SIL1: variants seen among roughly 807,000 people sequenced by gnomAD.
SIL1 encodes nucleotide exchange factor SIL1.
A neutral mutation model predicts 49.1 loss-of-function variants in SIL1; 40 were observed. The ratio of observed to expected loss-of-function variants is 0.81; its 90% CI spans 0.63 to 1.06. The LOEUF (loss-of-function observed/expected upper bound fraction) is 1.06. Ranked by LOEUF, SIL1 falls within the 50% of genes least tolerant of loss-of-function variation. SIL1 has a pLI of 0.00. For synonymous variants in SIL1, 253 were observed against 250.8 expected, an observed-to-expected ratio of 1.01 and a Z score of -0.08; for missense variants, 500 against 572.6, an observed-to-expected ratio of 0.87 and a Z score of 1.29.
chr5:139,128,167 G>A (rs1750792633), intron 1 of SIL1: 1 of 382,496 alleles, frequency 2.6e-6, no homozygotes, highest in South Asian at 2.0e-5. Flanking sequence ...TGACTATAAG[G>A]AGAGAGGGAA....
intron 3 of SIL1, among the ~76,000 whole-genome samples, chr5:139,110,126 G>A (rs1242785701): frequency 3.3e-5 from 5 of 149,512 alleles, no homozygotes; most frequent in Admixed American, 6.7e-5. Flanking sequence ...CCGAGATCAC[G>A]CCATTGCACT....
chr5:138,951,933 T>A (rs1766789788), intron 7 of SIL1, 49 bp from the exon 8 acceptor site: 2 of 1,535,298 alleles, frequency 1.3e-6, no homozygotes, highest in East Asian at 2.2e-5. Context: ...AGCCCAGGGA[T>A]CGGATGGTCA....
intron 1 of SIL1, among the ~76,000 whole-genome samples, chr5:139,179,720 C>T (rs889979206): frequency 3.3e-5 from 5 of 152,086 alleles, no homozygotes; most frequent in African/African-American, 9.7e-5. Flanking sequence ...TGATGCTCAG[C>T]GAGGTTAAGC....
chr5:138,975,973 A>T (rs1168686392), intron 7 of SIL1, among the ~76,000 whole-genome samples: 1 of 152,270 alleles, frequency 6.6e-6, no homozygotes, highest in African/African-American at 2.4e-5. Context: ...AACAACACAT[A>T]GCTAATAAAC....
chr5:139,023,997 T>C (rs986360723), intron 6 of SIL1, among the ~76,000 whole-genome samples: 3 of 152,184 alleles, frequency 2.0e-5, no homozygotes, highest in African/African-American at 7.2e-5. Context: ...AATGGGGATG[T>C]CACCTTAGGG....
At chr5:139,177,221 C>T (rs927663275) in intron 1 of SIL1, among the ~76,000 whole-genome samples, 5 of 151,292 alleles carry the variant, frequency 3.3e-5, no homozygotes, top group African/African-American at 1.2e-4. Flanking sequence ...CGTGAGCCAC[C>T]ACGCCTGGCC....
chr5:139,050,803 C>T (rs1487773896), intron 4 of SIL1, 135 bp downstream of exon 4: 2 of 771,266 alleles, frequency 2.6e-6, no homozygotes, highest in Admixed American at 2.2e-5. Context: ...AAAACCCTGA[C>T]AGATTTATCA....
At chr5:139,026,328 A>C (rs1467530625) in intron 6 of SIL1, among the ~76,000 whole-genome samples, 1 of 152,170 alleles carries the variant, frequency 6.6e-6, no homozygotes, top group Non-Finnish European at 1.5e-5. Flanking sequence ...CTGGCCAGGC[A>C]TGGTGGCTCA....
At chr5:139,076,676 AC>A (rs1465861412) in intron 3 of SIL1, among the ~76,000 whole-genome samples, 1 of 152,160 alleles carries the variant, frequency 6.6e-6, no homozygotes, top group African/African-American at 2.4e-5. Flanking sequence ...AACTGAGGAC[AC>A]AATGTCAAAA....
intron 3 of SIL1, among the ~76,000 whole-genome samples, chr5:139,114,716 G>A (rs183947102): frequency 6.6e-6 from 1 of 152,330 alleles, no homozygotes; most frequent in East Asian, 1.9e-4. Flanking sequence ...GAAAGAAGTA[G>A]CACCAAAAGT....
chr5:139,139,245 T>C (rs1328089805), intron 1 of SIL1, among the ~76,000 whole-genome samples: 1 of 152,200 alleles, frequency 6.6e-6, no homozygotes, highest in Non-Finnish European at 1.5e-5. Flanking sequence ...GGGCTTTCTC[T>C]ATAGCCTGCT....
intron 1 of SIL1, among the ~76,000 whole-genome samples, chr5:139,193,335 G>A (rs561129974): frequency 3.9e-5 from 6 of 152,224 alleles, no homozygotes; most frequent in Non-Finnish European, 7.4e-5. Flanking sequence ...AGACTGAGGT[G>A]GGCAGATCAC....
intron 7 of SIL1, chr5:139,013,992 T>G (rs544890252): frequency 2.6e-5 from 4 of 152,300 alleles, no homozygotes; most frequent in African/African-American, 9.6e-5. Context: ...CTCTATAAGG[T>G]GCTGTGAGCA....
chr5:139,095,757 G>A (rs1770448136), intron 3 of SIL1, among the ~76,000 whole-genome samples: 1 of 152,142 alleles, frequency 6.6e-6, no homozygotes, highest in East Asian at 1.9e-4. Context: ...GAGCCAGGGA[G>A]GTCAAGGCTG....
intron 3 of SIL1, among the ~76,000 whole-genome samples, chr5:139,114,949 T>C (rs1165438466): frequency 6.6e-6 from 1 of 152,224 alleles, no homozygotes; most frequent in Non-Finnish European, 1.5e-5. Flanking sequence ...GAAGTCCCAC[T>C]GTCACACTTT....
intron 7 of SIL1, among the ~76,000 whole-genome samples, chr5:138,960,714 C>T (rs181574382): frequency 6.6e-6 from 1 of 152,336 alleles, no homozygotes; most frequent in East Asian, 1.9e-4. Flanking sequence ...CCTTGACCTC[C>T]CAAGTGCTGG....
chr5:138,967,557 G>C (rs1311670932), intron 7 of SIL1, among the ~76,000 whole-genome samples: 1 of 152,220 alleles, frequency 6.6e-6, no homozygotes, highest in Non-Finnish European at 1.5e-5. Context: ...ATACAATAAA[G>C]AAGAAAGTGA....
At chr5:138,985,855 T>C (rs1767639631) in intron 7 of SIL1, among the ~76,000 whole-genome samples, 1 of 152,102 alleles carries the variant, frequency 6.6e-6, no homozygotes, top group Non-Finnish European at 1.5e-5. Context: ...GTGGACTTCC[T>C]CCCTCAGCGA....
chr5:139,019,247 T>A (rs561389928), intron 7 of SIL1, among the ~76,000 whole-genome samples: 1 of 152,334 alleles, frequency 6.6e-6, no homozygotes, highest in Admixed American at 6.5e-5. Context: ...AGCCAATACT[T>A]AAGACATGAA....
Sources: gnomAD v4.1 joint callset for allele counts (sites outside exome capture counted in the v4.1 genomes callset) on GRCh38, gnomAD v4.1.1 for gene constraint, MANE v1.5 for transcripts, NCBI Gene and HGNC (gene_info 2026-07-23, HGNC 2026-07-21) for gene names.